KLHDC3: variants seen among roughly 807,000 people sequenced by gnomAD.
KLHDC3 encodes kelch domain-containing protein 3.
Under a neutral mutation model 44.1 loss-of-function variants are expected in KLHDC3, and 5 were observed. That is an observed-to-expected ratio of 0.11 (90% CI 0.06 to 0.24). The LOEUF (loss-of-function observed/expected upper bound fraction) is 0.24, where lower values mean the gene tolerates loss of function less well. Among genes scored for constraint, KLHDC3 ranks in the 10% least tolerant of loss-of-function variants. The pLI, the probability that KLHDC3 is intolerant of heterozygous loss-of-function variation, is 1.00. For missense variants in KLHDC3, 247 were observed against 514.3 expected, an observed-to-expected ratio of 0.48 and a Z score of 5.03; for synonymous variants, 170 against 189.0, an observed-to-expected ratio of 0.90 and a Z score of 0.82.
In KLHDC3 at chr6:43,017,457, G is replaced by A; in HGVS notation, c.155-62G>A. ...CAAGGGGATTGGGGACAAACATCTG[G>A]TTTGGGAAAAGTGGACAGCCTGGAG... On this transcript the variant is annotated intron_variant, in intron 2 of 10. Transcript: ENST00000326974. This position sits in a 1 kb window ranked among gnomAD's most constrained non-coding sequence, Gnocchi z 6.0. 6.4e-7 allele frequency: 1 copy of A among 1,562,678 alleles called. No individual in the cohort carries two copies.
chr6:43,018,016 G>A lies in KLHDC3; in HGVS notation c.447+48G>A, dbSNP rs370842577. The A allele has an allele frequency of 1.8e-5, 28 of 1,522,730 alleles. 1 individual carries two copies. The African/African-American group carries it at 3.6e-4, about 19-fold the overall frequency. 94.3% of individuals were successfully genotyped at this position (1,522,730 alleles called of 1,614,324 possible). ...AGGTTTAGGGTGGGACTGAGAAAGA[G>A]GGGAAGGGCAATTTAGGATGGTGAA... is the stretch of plus-strand genomic sequence containing the variant. On this transcript the variant is annotated intron_variant, in intron 4 of 10. Coordinates refer to ENST00000326974, the MANE Select transcript of KLHDC3 (RefSeq NM_057161.4). The surrounding 1 kb of genome is among the most constrained non-coding windows in gnomAD (Gnocchi z 6.0).
chr6:43,020,198 T>C (rs1017614849), intron 10 of KLHDC3, among the ~76,000 whole-genome samples: 1 of 151,502 alleles, frequency 6.6e-6, no homozygotes, highest in Non-Finnish European at 1.5e-5. Context: ...TTAATATGGT[T>C]GGGTGGGTGG....
At position 43,021,109 on chromosome 6, in the gene KLHDC3, C is replaced by G. The variant is rs537872497; in HGVS notation, c.*376C>G. 2.1e-6 allele frequency: 1 copy of G among 475,878 alleles called. No homozygotes were observed. The highest frequency in any genetic ancestry group is 2.3e-5 in the Admixed American group (1 of 43,062). The allele number at this position is 475,878 out of a possible 1,614,324, so 29.5% of individuals were successfully genotyped here. ...CCCCTCCCCCTTTGCCTATCCCCTC[C>G]CCTCTGCTTGAGCCTTGAGCCTTGA... On this transcript the variant is annotated 3_prime_UTR_variant, in exon 11 of 11. Transcript: ENST00000326974.
In KLHDC3 at chr6:43,017,610, C is replaced by G. The variant is rs747128719; in HGVS notation, c.246C>G (p.Thr82=). 5 of 1,614,120 alleles carry G rather than the reference C, an allele frequency of 3.1e-6. No individual in the cohort carries two copies. The East Asian group carries it at 1.1e-4, about 36-fold the overall frequency. ...CCTACATGCGCTATGGACACTCAAC[C>G]GTCCTCATCGACGACACAGTCCTCC... is the stretch of plus-strand genomic sequence containing the variant. ...VVPYMRYGHS[T]VLIDDTVLLW... Residue 82 remains threonine (T), a synonymous_variant, in exon 3 of 11, where the codon ACC becomes ACG. Coordinates refer to ENST00000326974, the MANE Select transcript of KLHDC3 (RefSeq NM_057161.4). This position sits in a 1 kb window ranked among gnomAD's most constrained non-coding sequence, Gnocchi z 6.0.
intron 1 of KLHDC3, among the ~76,000 whole-genome samples, chr6:43,015,941 T>G (rs538121168): frequency 6.7e-6 from 1 of 149,932 alleles, no homozygotes; most frequent in East Asian, 2.0e-4. Flanking sequence ...TCCCTTCCCC[T>G]TTTTTTTTGT....
In KLHDC3 at chr6:43,017,187, CA is replaced by C. The variant is rs1222914708; in HGVS notation, c.-5del. The C allele has an allele frequency of 6.2e-7, 1 of 1,611,276 alleles. No individual in the cohort carries two copies. The highest frequency in any genetic ancestry group is 1.3e-5 in the African/African-American group (1 of 74,908). ...GGGCATGTTGCTGTAACCAGTGGCCCAGGGGATGTTACGGTGGACAGTGCAC... is the reference window on the plus strand; with the variant it reads ...GGGCATGTTGCTGTAACCAGTGGCCCGGGGATGTTACGGTGGACAGTGCAC... On this transcript the variant is annotated 5_prime_UTR_variant, in exon 2 of 11. Coordinates refer to ENST00000326974, the MANE Select transcript of KLHDC3 (RefSeq NM_057161.4). This position sits in a 1 kb window ranked among gnomAD's most constrained non-coding sequence, Gnocchi z 6.0.
Position 43,018,979 on chromosome 6 carries a change from GGA to G in KLHDC3, c.929+14_929+15del. 6.2e-7 allele frequency: 1 copy of G among 1,601,562 alleles called. No homozygotes were observed. Among genetic ancestry groups the G allele is most frequent in the South Asian group, 1.1e-5 (1 of 90,378 alleles). On this transcript the variant is annotated intron_variant, in intron 8 of 10. Transcript: ENST00000326974. This position sits in a 1 kb window ranked among gnomAD's most constrained non-coding sequence, Gnocchi z 6.0. ...CCTCTTTGGGGGTACCAGGTTAGAA[GGA>G]GAGAGGGAAGGGGCTCAGGGAAGTC...
At chr6:43,020,410 A>G (rs1038065174) in intron 10 of KLHDC3, among the ~76,000 whole-genome samples, 2 of 152,166 alleles carry the variant, frequency 1.3e-5, no homozygotes, top group African/African-American at 4.8e-5. Context: ...GTGCCTGGAC[A>G]CTGCAATATA....
Position 43,017,214 on chromosome 6 carries a change from C to T in KLHDC3, c.22C>T (p.Leu8=). 1.2e-6 allele frequency: 2 copies of T among 1,613,714 alleles called. No individual in the cohort carries two copies. The highest frequency in any genetic ancestry group is 1.7e-6 in the Non-Finnish European group (2 of 1,179,936). MLRWTVH[L]EGGPRRVNHA... Reference sequence around the variant, plus strand: ...GGGGATGTTACGGTGGACAGTGCACCTGGAGGGCGGGCCCCGCAGGGTGAA... The same window carrying T: ...GGGGATGTTACGGTGGACAGTGCACTTGGAGGGCGGGCCCCGCAGGGTGAA... The change falls in exon 2 of 11, where the codon CTG becomes TTG. Residue 8 remains leucine, a synonymous_variant. Coordinates refer to ENST00000326974, the MANE Select transcript of KLHDC3 (RefSeq NM_057161.4). The surrounding 1 kb of genome is among the most constrained non-coding windows in gnomAD (Gnocchi z 6.0).
rs1480564659 is a variant in KLHDC3 at position 43,017,659 on chromosome 6, G to A, written c.295G>A (p.Glu99Lys). 3 of 1,613,684 alleles carry A rather than the reference G, an allele frequency of 1.9e-6. No individual in the cohort carries two copies. The highest frequency in any genetic ancestry group is 2.5e-6 in the Non-Finnish European group (3 of 1,179,800). ...VLLWGGRNDT[E>K]GACNVLYAFD... ...CCTTTGGGGCGGGCGGAATGACACC[G>A]AAGGGGCCTGCAATGTGCTCTATGC... Residue 99 changes from glutamate (E) to lysine (K), a missense_variant, in exon 3 of 11, where the codon GAA (glutamate) becomes AAA (lysine). Coordinates refer to ENST00000326974, the MANE Select transcript of KLHDC3 (RefSeq NM_057161.4). This position sits in a 1 kb window ranked among gnomAD's most constrained non-coding sequence, Gnocchi z 6.0.
At position 43,018,132 on chromosome 6, in the gene KLHDC3, T is replaced by C. The variant is rs770406069; in HGVS notation, c.448-13T>C. The C allele has an allele frequency of 6.3e-7, 1 of 1,594,540 alleles. No homozygotes were observed. The highest frequency in any genetic ancestry group is 1.7e-5 in the Admixed American group (1 of 60,006). On this transcript the variant is annotated splice_polypyrimidine_tract_variant and intron_variant, in intron 4 of 10. Transcript: ENST00000326974. The surrounding 1 kb of genome is among the most constrained non-coding windows in gnomAD (Gnocchi z 6.0). The stretch of plus-strand genomic sequence containing the variant: ...GCTCCCTCTTTTCTTCCTCCTTTTC[T>C]CTTCCTACTCAGGCGGACTGTTTTT...
Position 43,017,094 on chromosome 6 carries a change from A to T in KLHDC3, c.-59-40A>T. The T allele has an allele frequency of 7.1e-7, 1 of 1,407,630 alleles. No individual in the cohort carries two copies. Among genetic ancestry groups the T allele is most frequent in the Non-Finnish European group, 9.7e-7 (1 of 1,027,222 alleles). 87.2% of individuals were successfully genotyped at this position (1,407,630 alleles called of 1,614,324 possible). A position where few individuals can be genotyped will look rare whatever the true frequency, so the allele number is the denominator to read the frequency against. ...GCAGAGTCACAGTGAGCTGGGCAGA[A>T]GCCTCGCCTGAGGATCCCGTGGCCC... On this transcript the variant is annotated intron_variant, in intron 1 of 10. Transcript: ENST00000326974. This position sits in a 1 kb window ranked among gnomAD's most constrained non-coding sequence, Gnocchi z 6.0.
chr6:43,015,914 CA>C (rs1762560080), intron 1 of KLHDC3, among the ~76,000 whole-genome samples: 1 of 151,340 alleles, frequency 6.6e-6, no homozygotes, highest in Admixed American at 6.6e-5. Flanking sequence ...TTGTCCTGCC[CA>C]AGGGCATTTT....
At position 43,017,279 on chromosome 6, in the gene KLHDC3, C is replaced by T. The variant is rs563390459; in HGVS notation, c.87C>T (p.Phe29=). The T allele has an allele frequency of 5.4e-5, 87 of 1,614,134 alleles. No homozygotes were observed. In the South Asian group the frequency reaches 8.1e-4, roughly 15 times the overall value. ...AVAVGHRVYS[F]GGYCSGEDYE... Reference sequence around the variant, plus strand: ...CTGTCGGGCATCGGGTATACTCCTTCGGGGGTTACTGCTCTGGTGAAGACT... The same window carrying T: ...CTGTCGGGCATCGGGTATACTCCTTTGGGGGTTACTGCTCTGGTGAAGACT... Residue 29 remains phenylalanine, a synonymous_variant, in exon 2 of 11, where the codon TTC becomes TTT. Transcript: ENST00000326974. This position sits in a 1 kb window ranked among gnomAD's most constrained non-coding sequence, Gnocchi z 6.0.
chr6:43,017,009 G>C lies in KLHDC3; in HGVS notation c.-59-125G>C. 1.5e-6 allele frequency: 1 copy of C among 687,908 alleles called. No homozygotes were observed. The allele number at this position is 687,908 out of a possible 1,614,324, so 42.6% of individuals were successfully genotyped here. ...CACCTGAGCTGAGACTAGTGCCCCT[G>C]TGGAGGGGTAGTGTGGGAGGGCCCC... On this transcript the variant is annotated intron_variant, in intron 1 of 10. Coordinates refer to ENST00000326974, the MANE Select transcript of KLHDC3 (RefSeq NM_057161.4). This position sits in a 1 kb window ranked among gnomAD's most constrained non-coding sequence, Gnocchi z 6.0.
At chr6:43,015,455 G>A (rs1762543702) in intron 1 of KLHDC3, among the ~76,000 whole-genome samples, 1 of 152,168 alleles carries the variant, frequency 6.6e-6, no homozygotes. Context: ...AAACTCAGGA[G>A]ATGCTTGCCA....
chr6:43,020,417 T>TATAC (rs1290368531), intron 10 of KLHDC3, among the ~76,000 whole-genome samples: 2 of 152,080 alleles, frequency 1.3e-5, no homozygotes, highest in Non-Finnish European at 2.9e-5. Flanking sequence ...GACACTGCAA[T>TATAC]ATACATACAT....
rs144451555 is a variant in KLHDC3 at position 43,017,588 on chromosome 6, A to G, written c.224A>G (p.Tyr75Cys). ...CGTGGGCAAGCTCCTGTGGTACCCT[A>G]CATGCGCTATGGACACTCAACCGTC... ...AIRGQAPVVP[Y>C]MRYGHSTVLI... The change falls in exon 3 of 11, where the codon TAC (tyrosine) becomes TGC (cysteine). Residue 75 changes from tyrosine to cysteine, a missense_variant. Tyr to Cys is a radical substitution (Grantham distance 194). Transcript: ENST00000326974. This position sits in a 1 kb window ranked among gnomAD's most constrained non-coding sequence, Gnocchi z 6.0. 1 of 1,614,042 alleles carries G rather than the reference A, an allele frequency of 6.2e-7. No homozygotes were observed. Among genetic ancestry groups the G allele is most frequent in the African/African-American group, 1.3e-5 (1 of 75,052 alleles).
rs554916353 is a variant in KLHDC3 at position 43,021,173 on chromosome 6, C to G, written c.*440C>G. The G allele has an allele frequency of 2.9e-4, 134 of 455,526 alleles. No individual in the cohort carries two copies. Among genetic ancestry groups the G allele is most frequent in the Non-Finnish European group, 5.3e-4 (121 of 227,392 alleles). 28.2% of individuals were successfully genotyped at this position (455,526 alleles called of 1,614,324 possible). On this transcript the variant is annotated 3_prime_UTR_variant, in exon 11 of 11. Transcript: ENST00000326974. The stretch of plus-strand genomic sequence containing the variant: ...GGAGTTGCAGCTGTTGGCATGAGAC[C>G]TCCTTCTCCCCGTCTTGGGGAGGTG...
Sources: gnomAD v4.1 joint callset for allele counts (sites outside exome capture counted in the v4.1 genomes callset) on GRCh38, gnomAD v4.1.1 for gene constraint, Gnocchi (gnomAD v3.1) non-coding constraint, MANE v1.5 for transcripts, NCBI Gene and HGNC (gene_info 2026-07-23, HGNC 2026-07-21) for gene names.